DPP8: variants seen among roughly 807,000 people sequenced by gnomAD.
The protein encoded by DPP8 is DPP VIII.
A neutral mutation model predicts 107.5 loss-of-function variants in DPP8; 31 were observed. The ratio of observed to expected loss-of-function variants is 0.29; its 90% CI spans 0.22 to 0.39. DPP8 has a LOEUF of 0.39. Ranked by LOEUF, DPP8 falls within the 10% of genes least tolerant of loss-of-function variation. The pLI, the probability that DPP8 is intolerant of heterozygous loss-of-function variation, is 1.00. For synonymous variants in DPP8, 381 were observed against 356.6 expected (o/e 1.07, Z -0.77); for missense variants, 842 against 1,076.1 (o/e 0.78, Z 3.04).
At chr15:65,517,203 G>A (rs989272099) in intron 1 of DPP8, 2 of 152,248 alleles carry the variant, frequency 1.3e-5, no homozygotes, top group African/African-American at 4.8e-5. Flanking sequence ...TAAGATAACG[G>A]ACGTGGAAGC....
chr15:65,466,521 TAGG>T (rs1041669622), intron 14 of DPP8, among the ~76,000 whole-genome samples, 154 bp downstream of exon 14: 1 of 152,080 alleles, frequency 6.6e-6, no homozygotes, highest in Non-Finnish European at 1.5e-5. Flanking sequence ...GCTAACAGAA[TAGG>T]AGAAGAGGGA....
intron 2 of DPP8, among the ~76,000 whole-genome samples, chr15:65,509,068 A>G (rs1238194992): frequency 3.9e-5 from 6 of 152,104 alleles, no homozygotes; most frequent in African/African-American, 7.2e-5. Flanking sequence ...CCAAATAACC[A>G]TATCTTTTTT....
At chr15:65,495,195 T>C (rs536427701) in intron 5 of DPP8, among the ~76,000 whole-genome samples, 5 of 152,198 alleles carry the variant, frequency 3.3e-5, no homozygotes, top group Non-Finnish European at 5.9e-5. Context: ...CTTTCTCACG[T>C]AGTCCCCTTG....
At position 65,444,710 on chromosome 15, in the gene DPP8, T is replaced by C. The variant is rs1400084440; in HGVS notation, c.*2174A>G. On this transcript the variant is annotated 3_prime_UTR_variant, in exon 20 of 20. Coordinates refer to ENST00000300141, the MANE Select transcript of DPP8 (RefSeq NM_130434.5). ...ATGCAAAAGGAAAACACCTGTGAAC[T>C]CCAGAGTACATGAAGTTTTCTAAGT... 1.3e-5 allele frequency: 2 copies of C among 152,168 alleles called. No individual in the cohort carries two copies. The highest frequency in any genetic ancestry group is 2.9e-5 in the Non-Finnish European group (2 of 68,036). The allele number at this position is 152,168 out of a possible 1,614,324, so 9.4% of individuals were successfully genotyped here.
At position 65,512,379 on chromosome 15, in the gene DPP8, T is replaced by G. The variant is rs762624084; in HGVS notation, c.175A>C (p.Met59Leu). 1.9e-6 allele frequency: 3 copies of G among 1,614,170 alleles called. No individual in the cohort carries two copies. The highest frequency in any genetic ancestry group is 3.3e-5 in the Admixed American group (2 of 60,000). Residue 59 changes from methionine (M) to leucine (L), a missense_variant, in exon 2 of 20, where the codon ATG becomes CTG. Met to Leu is a conservative substitution (Grantham distance 15). This residue lies in a region of DPP8 where 663 missense variants were observed against 758.0 expected (regional missense o/e 0.87). Transcript: ENST00000300141. ...LADTRKYHGY[M>L]MAKAPHDFMF... ...AAATCATGTGGTGCCTTAGCCATCA[T>G]GTAGCCATGATATTTTCTGGTATCG...
At position 65,445,956 on chromosome 15, in the gene DPP8, G is replaced by A. The variant is rs1482150988; in HGVS notation, c.*928C>T. ...AACCCAGGTCTCCCCACCCCACTGT[G>A]ATTCCCTTCAATCTCCTTAAAATTC... On this transcript the variant is annotated 3_prime_UTR_variant, in exon 20 of 20. Transcript: ENST00000300141. 6.6e-6 allele frequency: 1 copy of A among 151,790 alleles called. No homozygotes were observed. Among genetic ancestry groups the A allele is most frequent in the East Asian group, 1.9e-4 (1 of 5,186 alleles). The allele number at this position is 151,790 out of a possible 1,614,324, so 9.4% of individuals were successfully genotyped here.
intron 5 of DPP8, among the ~76,000 whole-genome samples, chr15:65,491,256 T>C (rs555092919): frequency 6.6e-6 from 1 of 152,200 alleles, no homozygotes; most frequent in South Asian, 2.1e-4. Flanking sequence ...GCATTTATAC[T>C]GTGATTCCAT....
intron 19 of DPP8, among the ~76,000 whole-genome samples, chr15:65,448,882 A>ATATATGTATGTGTGTG (rs1567125484): frequency 4.5e-5 from 1 of 22,412 alleles, no homozygotes; most frequent in African/African-American, 2.3e-4. Flanking sequence ...ATATATATAT[A>ATATATGTATGTGTGTG]TATATATATA....
At chr15:65,454,872 G>A (rs2064278600) in intron 16 of DPP8, among the ~76,000 whole-genome samples, 1 of 151,988 alleles carries the variant, frequency 6.6e-6, no homozygotes, top group African/African-American at 2.4e-5. Flanking sequence ...AGATTCTGTT[G>A]CCCCCTCTCC....
chr15:65,513,357 C>A (rs1417166076), intron 1 of DPP8, among the ~76,000 whole-genome samples: 1 of 152,150 alleles, frequency 6.6e-6, no homozygotes, highest in Non-Finnish European at 1.5e-5. Context: ...GGATTACAGG[C>A]ATGCACCACA....
intron 3 of DPP8, among the ~76,000 whole-genome samples, chr15:65,504,334 G>C (rs986014857): frequency 3.5e-5 from 5 of 144,256 alleles, no homozygotes; most frequent in African/African-American, 1.0e-4. Context: ...TTGCACTCCA[G>C]CCTGGGCAAC....
At chr15:65,456,461 T>C in intron 15 of DPP8, 90 bp from the exon 16 acceptor site, 1 of 1,258,962 alleles carries the variant, frequency 7.9e-7, no homozygotes, top group South Asian at 1.6e-5. Context: ...AAAGCTTAAT[T>C]TCACTATTAT....
At chr15:65,499,612 T>C (rs945240565) in intron 4 of DPP8, among the ~76,000 whole-genome samples, 3 of 152,130 alleles carry the variant, frequency 2.0e-5, no homozygotes, top group Admixed American at 6.6e-5. Flanking sequence ...TCATCCACGC[T>C]AAAGTGCAGC....
At chr15:65,480,095 C>A in intron 10 of DPP8, 127 bp downstream of exon 10, 1 of 731,084 alleles carries the variant, frequency 1.4e-6, no homozygotes, top group Non-Finnish European at 2.2e-6. Context: ...TGGAAATGCT[C>A]ATACTAAAGA....
At chr15:65,464,604 G>A (rs1249146182) in intron 14 of DPP8, among the ~76,000 whole-genome samples, 2 of 152,058 alleles carry the variant, frequency 1.3e-5, no homozygotes, top group East Asian at 1.9e-4. Context: ...GATTGACTGA[G>A]CCCAGGAGGT....
chr15:65,481,255 T>C (rs983630736), intron 9 of DPP8, among the ~76,000 whole-genome samples: 3 of 152,240 alleles, frequency 2.0e-5, no homozygotes, highest in African/African-American at 7.2e-5. Context: ...CTTAAAGCCA[T>C]ATGATTTAAT....
chr15:65,447,032 AC>A (rs370679808), intron 19 of DPP8, 26 bp from the exon 20 acceptor site: 6 of 1,515,974 alleles, frequency 4.0e-6, no homozygotes, highest in East Asian at 2.3e-5. Context: ...AAATAAAGAT[AC>A]AAAAAAAAAA....
intron 14 of DPP8, 97 bp downstream of exon 14, chr15:65,466,581 G>T: frequency 8.7e-7 from 1 of 1,147,754 alleles, no homozygotes; most frequent in South Asian, 1.4e-5. Flanking sequence ...GTGAGAGATG[G>T]AAAGACTTGT....
chr15:65,456,118 A>T, intron 16 of DPP8, 107 bp downstream of exon 16: 1 of 1,271,270 alleles, frequency 7.9e-7, no homozygotes, highest in Non-Finnish European at 1.1e-6. Context: ...ACTCTCACTC[A>T]CTCATTCATA....
Sources: gnomAD v4.1 joint callset for allele counts (sites outside exome capture counted in the v4.1 genomes callset) on GRCh38, gnomAD v4.1.1 for gene constraint, gnomAD v4.1.1 regional missense constraint, MANE v1.5 for transcripts, NCBI Gene and HGNC (gene_info 2026-07-23, HGNC 2026-07-21) for gene names.